Variants in ZNF791 observed in about 807,000 individuals in gnomAD.
ZNF791 encodes the protein zinc finger protein 791.
Under a neutral mutation model 11.5 loss-of-function variants are expected in ZNF791, and 4 were observed. The observed-to-expected ratio is 0.35, with a 90% CI of 0.17 to 0.80. The LOEUF is 0.80. Among genes scored for constraint, ZNF791 ranks in the 30% least tolerant of loss-of-function variants. ZNF791 has a pLI of 0.53. For missense variants in ZNF791, 559 were observed against 699.4 expected (o/e 0.80, Z 2.26); for synonymous variants, 212 against 228.1 (o/e 0.93, Z 0.64).
At position 12,610,984 on chromosome 19, in the gene ZNF791, G is replaced by C; in HGVS notation, c.-96G>C. On this transcript the variant is annotated 5_prime_UTR_variant, in exon 1 of 4. Coordinates refer to ENST00000343325, the MANE Select transcript of ZNF791 (RefSeq NM_153358.3). ...GCTTGGGGTCTCCTGGCCCCTTGAC[G>C]CGTCAGGTTGCTGTACCCCTGCATC... 2 of 1,535,972 alleles carry C rather than the reference G, an allele frequency of 1.3e-6. No individual in the cohort carries two copies. The highest frequency in any genetic ancestry group is 4.5e-5 in the East Asian group (2 of 44,462).
At chr19:12,613,235 T>C (rs531893420) in intron 1 of ZNF791, among the ~76,000 whole-genome samples, 17 of 151,496 alleles carry the variant, frequency 1.1e-4, no homozygotes, top group Non-Finnish European at 2.2e-4. Context: ...GCTGGGATTA[T>C]AGGTGTGAGC....
chr19:12,622,411 CAAAAAAAA>C (rs370413296), intron 1 of ZNF791, among the ~76,000 whole-genome samples: 5 of 79,606 alleles, frequency 6.3e-5, no homozygotes, highest in African/African-American at 1.6e-4. Context: ...CTGTCTCAAA[CAAAAAAAA>C]AAAAAAAAAA....
At chr19:12,626,496 C>A (rs1392277231) in intron 3 of ZNF791, among the ~76,000 whole-genome samples, 3 of 149,960 alleles carry the variant, frequency 2.0e-5, no homozygotes, top group African/African-American at 4.9e-5. Flanking sequence ...GTTGGCCAGG[C>A]TGGTCTCAAA....
rs1239800464 is a variant in ZNF791 at position 12,624,582 on chromosome 19, C to T, written c.131-68C>T. ...AGGCATGGTTACAGCTCATTGTGAA[C>T]CTATAATCTAATAATATTTGTATAA... On this transcript the variant is annotated intron_variant, in intron 2 of 3. Coordinates refer to ENST00000343325, the MANE Select transcript of ZNF791 (RefSeq NM_153358.3). 6.5e-6 allele frequency: 8 copies of T among 1,222,158 alleles called. No individual in the cohort carries two copies. The South Asian group carries it at 7.3e-5, about 11-fold the overall frequency. The allele number at this position is 1,222,158 out of a possible 1,614,324, so 75.7% of individuals were successfully genotyped here.
Position 12,631,607 on chromosome 19 carries a change from C to G in ZNF791, c.*2347C>G, listed in dbSNP as rs1309721472. 1 of 152,192 alleles carries G rather than the reference C, an allele frequency of 6.6e-6. No homozygotes were observed. Among genetic ancestry groups the G allele is most frequent in the Non-Finnish European group, 1.5e-5 (1 of 68,060 alleles). 9.4% of individuals were successfully genotyped at this position (152,192 alleles called of 1,614,324 possible). A position where few individuals can be genotyped will look rare whatever the true frequency, so the allele number is the denominator to read the frequency against. ...ATTACCTGAGCGTGGTGGCATGCAC[C>G]TGTAATTCCAGCTACTTGGGAGGCT... On this transcript the variant is annotated 3_prime_UTR_variant, in exon 4 of 4. Transcript: ENST00000343325.
chr19:12,622,453 ATATCT>A (rs1354919580), intron 1 of ZNF791, among the ~76,000 whole-genome samples: 2 of 141,966 alleles, frequency 1.4e-5, no homozygotes, highest in Admixed American at 7.0e-5. Context: ...ATTTAATCCC[ATATCT>A]TAAGGAATGC....
Position 12,628,670 on chromosome 19 carries a change from G to T in ZNF791, c.1141G>T (p.Glu381Ter). ...FRIHERTHTG[E>*]KPYECKKCGK... Reference sequence around the variant, plus strand: ...AATACATGAAAGGACTCACACTGGAGAGAAACCCTACGAATGTAAAAAATG... The same window carrying T: ...AATACATGAAAGGACTCACACTGGATAGAAACCCTACGAATGTAAAAAATG... The change falls in exon 4 of 4, where the codon GAG becomes TAG. Residue 381 changes from glutamate (E) to a stop codon, truncating the protein, a stop_gained. Transcript: ENST00000343325. LOFTEE classifies it low-confidence loss of function (END_TRUNC). 1 of 1,605,492 alleles carries T rather than the reference G, an allele frequency of 6.2e-7. No homozygotes were observed. The highest frequency in any genetic ancestry group is 8.5e-7 in the Non-Finnish European group (1 of 1,176,716).
intron 1 of ZNF791, chr19:12,623,394 G>C (rs1349847685): frequency 3.1e-6 from 1 of 327,410 alleles, no homozygotes; most frequent in Non-Finnish European, 5.7e-6. Flanking sequence ...AGCAGAGCGA[G>C]ACCATCTATG....
At chr19:12,622,893 CAAAAAAAAAAA>C (rs34772341) in intron 1 of ZNF791, among the ~76,000 whole-genome samples, 14 of 93,736 alleles carry the variant, frequency 1.5e-4, no homozygotes, top group Admixed American at 7.6e-4. Flanking sequence ...GACTCCGTCT[CAAAAAAAAAAA>C]AAAAAAGAAA....
intron 2 of ZNF791, 41 bp downstream of exon 2, chr19:12,623,867 TTTTGGG>T: frequency 1.0e-6 from 1 of 985,492 alleles, no homozygotes; most frequent in Non-Finnish European, 1.5e-6. Context: ...TTTTTTTTTT[TTTTGGG>T]GGGGGACAGA....
At chr19:12,616,487 G>T (rs993921056) in intron 1 of ZNF791, among the ~76,000 whole-genome samples, 1 of 152,188 alleles carries the variant, frequency 6.6e-6, no homozygotes, top group African/African-American at 2.4e-5. Flanking sequence ...CTGCTGGGGA[G>T]CAGAGCTGAG....
Position 12,627,937 on chromosome 19 carries a change from G to C in ZNF791, c.408G>C (p.Glu136Asp). The C allele has an allele frequency of 6.2e-7, 1 of 1,614,160 alleles. No individual in the cohort carries two copies. Among genetic ancestry groups the C allele is most frequent in the Non-Finnish European group, 8.5e-7 (1 of 1,180,012 alleles). The change falls in exon 4 of 4, where the codon GAG becomes GAC. Residue 136 changes from glutamate (E) to aspartate (D), a missense_variant. Glu to Asp is a conservative substitution (Grantham distance 45). Transcript: ENST00000343325. Reference sequence around the variant, plus strand: ...TTGAGAAGCCATATAAATGTAAGGAGTGTGAGAAAGCCTTTAGTTATCTCA... The same window carrying C: ...TTGAGAAGCCATATAAATGTAAGGACTGTGAGAAAGCCTTTAGTTATCTCA... The part of the protein sequence containing the change: ...ELFEKPYKCK[E>D]CEKAFSYLKS...
At chr19:12,613,880 T>G (rs940023135) in intron 1 of ZNF791, among the ~76,000 whole-genome samples, 36 of 152,308 alleles carry the variant, frequency 2.4e-4, no homozygotes, top group Admixed American at 8.5e-4. Context: ...GGAGGATGTC[T>G]GAGGTTTTAA....
Position 12,629,520 on chromosome 19 carries a change from A to G in ZNF791, c.*260A>G. On this transcript the variant is annotated 3_prime_UTR_variant, in exon 4 of 4. Transcript: ENST00000343325. ...GCAATTTAGTAGCAGTAGTAACACC[A>G]TAGTGCAGCACATTATTTAAGTGTT... 1 of 288,666 alleles carries G rather than the reference A, an allele frequency of 3.5e-6. No homozygotes were observed. Among genetic ancestry groups the G allele is most frequent in the Non-Finnish European group, 6.4e-6 (1 of 155,662 alleles). The allele number at this position is 288,666 out of a possible 1,614,324, so 17.9% of individuals were successfully genotyped here.
intron 2 of ZNF791, 149 bp from the exon 3 acceptor site, chr19:12,624,501 A>G (rs867338408): frequency 3.4e-6 from 2 of 589,188 alleles, no homozygotes; most frequent in African/African-American, 3.9e-5. Flanking sequence ...TTTCTTGCTC[A>G]TAATCACTGT....
intron 1 of ZNF791, among the ~76,000 whole-genome samples, chr19:12,612,909 G>C (rs941737104): frequency 2.0e-5 from 3 of 151,086 alleles, no homozygotes; most frequent in Admixed American, 1.3e-4. Flanking sequence ...GCACTTGGAA[G>C]CTGAGGAGCC....
At chr19:12,625,039 G>A (rs1481672915) in intron 3 of ZNF791, among the ~76,000 whole-genome samples, 2 of 151,332 alleles carry the variant, frequency 1.3e-5, no homozygotes, top group Admixed American at 1.3e-4. Flanking sequence ...AACAGAGCGA[G>A]ACTCTGTCTC....
intron 1 of ZNF791, among the ~76,000 whole-genome samples, chr19:12,613,107 A>T (rs1042899175): frequency 1.3e-5 from 2 of 151,896 alleles, no homozygotes; most frequent in African/African-American, 2.4e-5. Context: ...ACAGGCACAC[A>T]CCACTATGCC....
Position 12,633,774 on chromosome 19 carries a change from G to A in ZNF791, c.*4514G>A, listed in dbSNP as rs1422915462. On this transcript the variant is annotated 3_prime_UTR_variant, in exon 4 of 4. Transcript: ENST00000343325. ...GTTCTTGTTCTGTTAATGCCACTAG[G>A]GACTATGTATTCCTGATTCCACCAT... The A allele has an allele frequency of 6.6e-6, 1 of 151,418 alleles. No individual in the cohort carries two copies. Among genetic ancestry groups the A allele is most frequent in the Admixed American group, 6.6e-5 (1 of 15,162 alleles). 9.4% of individuals were successfully genotyped at this position (151,418 alleles called of 1,614,324 possible).
Sources: gnomAD v4.1 joint callset for allele counts (sites outside exome capture counted in the v4.1 genomes callset) on GRCh38, gnomAD v4.1.1 for gene constraint, MANE v1.5 for transcripts, NCBI Gene and HGNC (gene_info 2026-07-23, HGNC 2026-07-21) for gene names.